Variants in DAB1 observed in about 807,000 individuals in gnomAD.
The protein encoded by DAB1 is disabled homolog 1.
A neutral mutation model predicts 64.6 loss-of-function variants in DAB1; 15 were observed. The observed-to-expected ratio is 0.23, with a 90% CI of 0.16 to 0.36. The LOEUF (loss-of-function observed/expected upper bound fraction) is 0.36. Ranked by LOEUF, DAB1 falls within the 10% of genes least tolerant of loss-of-function variation. DAB1 has a pLI of 1.00. For synonymous variants in DAB1, 235 were observed against 251.9 expected (o/e 0.93, Z 0.64); for missense variants, 596 against 706.7 (o/e 0.84, Z 1.78).
chr1:58,162,310 T>A (rs1655581544), intron 4 of DAB1, among the ~76,000 whole-genome samples: 2 of 152,206 alleles, frequency 1.3e-5, no homozygotes. Context: ...TATTCTTAAG[T>A]CTCTGTCAGC....
At chr1:57,508,262 C>T (rs780290617) in intron 7 of DAB1, among the ~76,000 whole-genome samples, 17 of 152,168 alleles carry the variant, frequency 1.1e-4, no homozygotes, top group Non-Finnish European at 2.2e-4. Flanking sequence ...AAATTCCACC[C>T]CTCTACATGA....
chr1:58,016,511 A>G (rs2100442850), intron 5 of DAB1, among the ~76,000 whole-genome samples: 1 of 152,234 alleles, frequency 6.6e-6, no homozygotes, highest in East Asian at 1.9e-4. Flanking sequence ...TCTGCTAGTC[A>G]AATCCTCCTT....
chr1:58,476,723 A>G (rs1394766165), intron 3 of DAB1, among the ~76,000 whole-genome samples: 1 of 152,224 alleles, frequency 6.6e-6, no homozygotes, highest in Non-Finnish European at 1.5e-5. Context: ...CTTAAAATGG[A>G]TATTTTTACC....
chr1:57,136,473 A>T, intron 4 of DAB1, 70 bp downstream of exon 4: 1 of 829,404 alleles, frequency 1.2e-6, no homozygotes, highest in Middle Eastern at 2.4e-4. Context: ...CTGCCCAGAG[A>T]GTAGAGGCTT....
chr1:57,285,391 C>T (rs1672232489), intron 2 of DAB1, among the ~76,000 whole-genome samples: 1 of 152,220 alleles, frequency 6.6e-6, no homozygotes, highest in Non-Finnish European at 1.5e-5. Context: ...GCCTCAGCCT[C>T]CCAAGTAGCT....
intron 2 of DAB1, among the ~76,000 whole-genome samples, chr1:57,226,670 AAAATAT>A (rs1667280695): frequency 1.7e-5 from 2 of 119,504 alleles, no homozygotes; most frequent in African/African-American, 8.0e-5. Context: ...GGTTAAAAAA[AAAATAT>A]ATATATATAT....
chr1:57,140,940 C>T (rs1270177933), intron 3 of DAB1, among the ~76,000 whole-genome samples: 1 of 152,080 alleles, frequency 6.6e-6, no homozygotes, highest in Non-Finnish European at 1.5e-5. Flanking sequence ...GTATGATGTA[C>T]ATGAAAGGGC....
chr1:58,521,652 C>G (rs1257392404), intron 2 of DAB1, among the ~76,000 whole-genome samples: 2 of 152,168 alleles, frequency 1.3e-5, no homozygotes, highest in Non-Finnish European at 2.9e-5. Context: ...AAAACAACTT[C>G]ATGCCAATGA....
chr1:57,996,599 T>C (rs926466177), intron 5 of DAB1, among the ~76,000 whole-genome samples: 2 of 152,212 alleles, frequency 1.3e-5, no homozygotes, highest in Non-Finnish European at 2.9e-5. Context: ...CAAATCACTT[T>C]GACAGCATCT....
chr1:57,956,147 C>T (rs886464581), intron 5 of DAB1, among the ~76,000 whole-genome samples: 6 of 152,106 alleles, frequency 3.9e-5, no homozygotes, highest in African/African-American at 1.4e-4. Flanking sequence ...GTCAGGGGAA[C>T]ATTTATAGAT....
intron 6 of DAB1, among the ~76,000 whole-genome samples, chr1:57,811,235 G>C (rs112655866): frequency 7.2e-5 from 11 of 152,198 alleles, no homozygotes; most frequent in Non-Finnish European, 1.3e-4. Context: ...CAAATCTCAC[G>C]TCAAATTGTA....
At chr1:58,151,596 A>C (rs1417570135) in intron 4 of DAB1, among the ~76,000 whole-genome samples, 3 of 152,206 alleles carry the variant, frequency 2.0e-5, no homozygotes, top group African/African-American at 7.2e-5. Flanking sequence ...ATGAAATTGC[A>C]TAGAAGGCTA....
rs574038794 is a variant in DAB1, at chr1:57,772,917, G to A, written n.551+111082C>T. Among the ~76,000 whole-genome samples the A allele has an allele frequency of 2.0e-5, 3 of 152,038 alleles. No homozygotes were observed. The South Asian group carries it at 6.2e-4, about 32-fold the overall frequency. On this transcript the variant is annotated intron_variant and non_coding_transcript_variant, in intron 6 of 20. Coordinates refer to the DAB1 transcript ENST00000485760. The stretch of plus-strand genomic sequence containing the variant: ...ATGGTGGCCCATAAACCGAGTGACT[G>A]GTGTCCTTGAAAAAAGATCAGGTAG...
upstream of DAB1, among the ~76,000 whole-genome samples, chr1:57,886,161 T>C (rs959638841): frequency 1.3e-5 from 2 of 149,264 alleles, no homozygotes; most frequent in African/African-American, 5.1e-5. Context: ...TAGCCTACTA[T>C]TCTTTTTTTT....
chr1:58,009,874 C>T (rs989723782), intron 5 of DAB1, among the ~76,000 whole-genome samples: 1 of 152,144 alleles, frequency 6.6e-6, no homozygotes, highest in Non-Finnish European at 1.5e-5. Flanking sequence ...ATTGTCGTCA[C>T]TGGGATTTGT....
chr1:57,226,426 C>T (rs917265084), intron 2 of DAB1, among the ~76,000 whole-genome samples: 7 of 152,074 alleles, frequency 4.6e-5, no homozygotes, highest in African/African-American at 1.7e-4. Context: ...GAGACATTCT[C>T]AATCACTGTT....
At chr1:57,496,479 C>T (rs932525557) in intron 7 of DAB1, among the ~76,000 whole-genome samples, 2 of 152,212 alleles carry the variant, frequency 1.3e-5, no homozygotes, top group Non-Finnish European at 2.9e-5. Context: ...ATTTCAGCAA[C>T]AGGTTTATAA....
intron 1 of DAB1, among the ~76,000 whole-genome samples, chr1:57,354,898 C>T (rs1678936038): frequency 6.6e-6 from 1 of 152,082 alleles, no homozygotes; most frequent in Admixed American, 6.5e-5. Context: ...TATCATGCTA[C>T]TGGGAAAAGG....
intron 3 of DAB1, among the ~76,000 whole-genome samples, chr1:58,421,114 A>G (rs1644767456): frequency 6.6e-6 from 1 of 152,154 alleles, no homozygotes; most frequent in African/African-American, 2.4e-5. Flanking sequence ...AAAGACATTG[A>G]CTTATTTCTC....
Sources: gnomAD v4.1 joint callset for allele counts (sites outside exome capture counted in the v4.1 genomes callset) on GRCh38, gnomAD v4.1.1 for gene constraint, MANE v1.5 for transcripts, NCBI Gene and HGNC (gene_info 2026-07-23, HGNC 2026-07-21) for gene names.